Variants in NALF1 observed in about 807,000 individuals in gnomAD.
NALF1 encodes NALCN channel auxiliary factor 1.
NALF1 carries 3 observed loss-of-function variants against 48.4 expected under a neutral mutation model. That is an observed-to-expected ratio of 0.06 (90% CI 0.03 to 0.16). NALF1 has a LOEUF of 0.16. NALF1 is among the 10% of genes least tolerant of loss of function. NALF1 has a pLI of 1.00. For synonymous variants in NALF1, 262 were observed against 245.7 expected, an observed-to-expected ratio of 1.07 and a Z score of -0.62; for missense variants, 526 against 571.5, an observed-to-expected ratio of 0.92 and a Z score of 0.81.
chr13:107,569,370 G>A (rs950106788), intron 1 of NALF1, among the ~76,000 whole-genome samples: 3 of 152,078 alleles, frequency 2.0e-5, no homozygotes, highest in Non-Finnish European at 4.4e-5. Context: ...TACTCGGGAC[G>A]CTGAGGCAGG....
rs141263872 is a variant in NALF1 at position 107,346,159 on chromosome 13, T to C, written c.916-135404A>G. Among the ~76,000 whole-genome samples, 10 of 152,014 alleles carry C rather than the reference T, an allele frequency of 6.6e-5. No homozygotes were observed. In the East Asian group the frequency reaches 1.7e-3, roughly 27 times the overall value. On this transcript the variant is annotated intron_variant, in intron 1 of 2. Transcript: ENST00000375915. The stretch of plus-strand genomic sequence containing the variant: ...AGGAGAAACGGGAAACATTGCGTAC[T>C]TTGTTGGGGGCGGGGGGGCAGATTG...
chr13:107,679,335 T>C (rs1881216275), intron 1 of NALF1, among the ~76,000 whole-genome samples: 1 of 152,152 alleles, frequency 6.6e-6, no homozygotes, highest in South Asian at 2.1e-4. Flanking sequence ...GGATACAAAG[T>C]GTTTTTCTCC....
intron 1 of NALF1, among the ~76,000 whole-genome samples, chr13:107,703,393 C>A (rs553784629): frequency 7.5e-5 from 11 of 147,212 alleles, no homozygotes; most frequent in African/African-American, 2.8e-4. Flanking sequence ...GACAGAGTCT[C>A]GCACTGTCAC....
chr13:107,754,621 G>A (rs1037720427), intron 1 of NALF1, among the ~76,000 whole-genome samples: 1 of 151,996 alleles, frequency 6.6e-6, no homozygotes, highest in Non-Finnish European at 1.5e-5. Context: ...CAGCACATGA[G>A]TTTAAAGAAA....
chr13:107,606,481 T>C (rs1222730647), intron 1 of NALF1, among the ~76,000 whole-genome samples: 4 of 152,078 alleles, frequency 2.6e-5, no homozygotes, highest in African/African-American at 9.7e-5. Context: ...TTCTCCTGCC[T>C]CAGCCTCCTA....
chr13:107,546,369 C>A (rs556724487), intron 1 of NALF1, among the ~76,000 whole-genome samples: 54 of 152,304 alleles, frequency 3.5e-4, no homozygotes, highest in African/African-American at 1.3e-3. Context: ...TTTCCCAGCA[C>A]AGGTTTGCCC....
chr13:107,757,293 C>T (rs773516118), intron 1 of NALF1, among the ~76,000 whole-genome samples: 8 of 151,710 alleles, frequency 5.3e-5, no homozygotes, highest in South Asian at 4.1e-4. Context: ...TGGGGTGGGA[C>T]GGAGAGGGGG....
chr13:107,844,556 T>C (rs566141458), intron 1 of NALF1, among the ~76,000 whole-genome samples: 1 of 152,306 alleles, frequency 6.6e-6, no homozygotes, highest in South Asian at 2.1e-4. Context: ...TCACAGTTAA[T>C]CTTTTTATTC....
At chr13:107,770,293 T>C (rs538138826) in intron 1 of NALF1, among the ~76,000 whole-genome samples, 1 of 152,312 alleles carries the variant, frequency 6.6e-6, no homozygotes, top group African/African-American at 2.4e-5. Flanking sequence ...CTTATGCTGT[T>C]TGGAGCTGCC....
intron 1 of NALF1, among the ~76,000 whole-genome samples, chr13:107,484,070 T>C (rs1885292100): frequency 6.6e-6 from 1 of 152,064 alleles, no homozygotes; most frequent in African/African-American, 2.4e-5. Context: ...TTTCTAAATG[T>C]AAAGTCTTGT....
chr13:107,284,186 A>G (rs1881445605), intron 1 of NALF1, among the ~76,000 whole-genome samples: 1 of 152,150 alleles, frequency 6.6e-6, no homozygotes, highest in African/African-American at 2.4e-5. Flanking sequence ...TACAGGGGGA[A>G]TTTAGAAAGC....
chr13:107,784,020 C>A (rs1342060191), intron 1 of NALF1, among the ~76,000 whole-genome samples: 3 of 152,134 alleles, frequency 2.0e-5, no homozygotes, highest in Non-Finnish European at 2.9e-5. Flanking sequence ...CCGCTCCCCT[C>A]AGTGAGTGAC....
intron 1 of NALF1, among the ~76,000 whole-genome samples, chr13:107,718,104 G>C (rs1054105909): frequency 6.6e-6 from 1 of 152,052 alleles, no homozygotes; most frequent in East Asian, 1.9e-4. Flanking sequence ...CCCTCATCCC[G>C]AGGCGAGAGC....
chr13:107,538,397 G>C (rs1158203132), intron 1 of NALF1, among the ~76,000 whole-genome samples: 2 of 152,076 alleles, frequency 1.3e-5, no homozygotes, highest in South Asian at 2.1e-4. Context: ...CATTTGCAAA[G>C]ATTTAATCGG....
intron 1 of NALF1, among the ~76,000 whole-genome samples, chr13:107,596,001 TGTGGG>T (rs1878733649): frequency 6.6e-6 from 1 of 152,092 alleles, no homozygotes; most frequent in South Asian, 2.1e-4. Context: ...TATTAAAGGT[TGTGGG>T]GTGGAAACTG....
intron 1 of NALF1, among the ~76,000 whole-genome samples, chr13:107,858,936 T>G (rs1230043671): frequency 6.6e-6 from 1 of 152,222 alleles, no homozygotes; most frequent in African/African-American, 2.4e-5. Context: ...TACTTAATAA[T>G]GATCGTCTAT....
At position 107,865,595 on chromosome 13, in the gene NALF1, A is replaced by T. The variant is rs112006054; in HGVS notation, c.915+87T>A. ...ACAAAGTAACAAAACCATAGCCAAA[A>T]AATAATAATAATAAACTTGAGAAGA... On this transcript the variant is annotated intron_variant, in intron 1 of 2. Transcript: ENST00000375915. 3.7e-3 allele frequency: 5,661 copies of T among 1,510,842 alleles called. 200 individuals are homozygous for T. The African/African-American group carries it at 0.071, about 19-fold the overall frequency. 93.6% of individuals were successfully genotyped at this position (1,510,842 alleles called of 1,614,324 possible). A position where few individuals can be genotyped will look rare whatever the true frequency, so the allele number is the denominator to read the frequency against.
At chr13:107,854,208 AAT>A (rs1404517109) in intron 1 of NALF1, among the ~76,000 whole-genome samples, 8 of 152,220 alleles carry the variant, frequency 5.3e-5, no homozygotes, top group African/African-American at 1.4e-4. Context: ...TTTAATATTC[AAT>A]ATATATATTT....
At chr13:107,296,003 A>G (rs540171505) in intron 1 of NALF1, among the ~76,000 whole-genome samples, 2 of 152,222 alleles carry the variant, frequency 1.3e-5, no homozygotes, top group Admixed American at 6.5e-5. Flanking sequence ...GCCAGAATAC[A>G]TTGTGAAAAT....
Sources: allele counts gnomAD v4.1 joint callset (sites outside exome capture counted in the v4.1 genomes callset), GRCh38; gene constraint gnomAD v4.1.1; transcripts MANE v1.5; gene names NCBI Gene and HGNC (gene_info 2026-07-23, HGNC 2026-07-21).